Variants in SLC4A10 observed in about 807,000 individuals in gnomAD.
SLC4A10 encodes solute carrier family 4 member 10.
SLC4A10 carries 42 observed loss-of-function variants against 137.7 expected under a neutral mutation model. The ratio of observed to expected loss-of-function variants is 0.30; its 90% CI spans 0.24 to 0.39. SLC4A10 has a LOEUF of 0.39. SLC4A10 is among the 10% of genes least tolerant of loss of function. The pLI is 1.00. For missense variants in SLC4A10, 925 were observed against 1,355.0 expected, an observed-to-expected ratio of 0.68 and a Z score of 4.98; for synonymous variants, 474 against 464.1, an observed-to-expected ratio of 1.02 and a Z score of -0.27.
chr2:161,941,859 T>G (rs1350153583), intron 15 of SLC4A10, among the ~76,000 whole-genome samples: 3 of 152,198 alleles, frequency 2.0e-5, no homozygotes, highest in Non-Finnish European at 2.9e-5. Context: ...TTAAGGTTTC[T>G]CTGGGGTCTC....
At chr2:161,740,209 C>A (rs2047739528) in intron 1 of SLC4A10, among the ~76,000 whole-genome samples, 1 of 152,188 alleles carries the variant, frequency 6.6e-6, no homozygotes, top group Non-Finnish European at 1.5e-5. Context: ...CTCCTATCCA[C>A]AAACTAAGCA....
chr2:161,767,105 ATATATATATATAT>A lies in SLC4A10; in HGVS notation c.49-3867_49-3855del, dbSNP rs1215235980. Among the ~76,000 whole-genome samples, 35 of 51,300 alleles carry A rather than the reference ATATATATATATAT, an allele frequency of 6.8e-4. 1 individual carries two copies. Among genetic ancestry groups the A allele is most frequent in the African/African-American group, 4.5e-3 (32 of 7,152 alleles). The allele number at this position is 51,300 out of a possible 152,430, so 33.7% of individuals were successfully genotyped here. On this transcript the variant is annotated intron_variant, in intron 1 of 26. Coordinates refer to ENST00000446997, the MANE Select transcript of SLC4A10 (RefSeq NM_001178015.2). ...AAAGAATTAAGAAGCATATATATATATATATATATATATATATATATATATATATATATATGTG... is the reference window on the plus strand; with the variant it reads ...AAAGAATTAAGAAGCATATATATATAATATATATATATATATATATATGTG...
intron 4 of SLC4A10, among the ~76,000 whole-genome samples, chr2:161,848,948 A>G (rs574898364): frequency 1.3e-5 from 2 of 152,190 alleles, no homozygotes; most frequent in African/African-American, 2.4e-5. Flanking sequence ...TAAAAATGTT[A>G]TTGGTAGGTT....
intron 3 of SLC4A10, among the ~76,000 whole-genome samples, chr2:161,821,946 C>T (rs1446668913): frequency 1.3e-5 from 2 of 152,202 alleles, no homozygotes; most frequent in Admixed American, 6.5e-5. Context: ...TATTTCTTGT[C>T]GCTGAATAGA....
intron 6 of SLC4A10, among the ~76,000 whole-genome samples, chr2:161,863,591 T>G (rs1227929): frequency 0.6 from 90,505 of 152,076 alleles, 27,098 homozygotes; most frequent in East Asian, 0.85. Context: ...TGATTCCGGT[T>G]CAAGGGCTCA....
intron 3 of SLC4A10, among the ~76,000 whole-genome samples, chr2:161,821,253 C>T (rs2125692060): frequency 6.6e-6 from 1 of 152,252 alleles, no homozygotes; most frequent in South Asian, 2.1e-4. Flanking sequence ...GATGTGGCTA[C>T]AGATTCCAGC....
intron 1 of SLC4A10, among the ~76,000 whole-genome samples, chr2:161,759,063 C>T (rs1263415501): frequency 6.6e-6 from 1 of 151,906 alleles, no homozygotes; most frequent in Non-Finnish European, 1.5e-5. Context: ...TCATCTTCCA[C>T]CTTAGATATC....
At chr2:161,814,886 T>C (rs1490614458) in intron 3 of SLC4A10, among the ~76,000 whole-genome samples, 1 of 152,046 alleles carries the variant, frequency 6.6e-6, no homozygotes, top group African/African-American at 2.4e-5. Context: ...AATATGCCCA[T>C]ATAACAAGCC....
intron 15 of SLC4A10, among the ~76,000 whole-genome samples, chr2:161,911,707 C>A (rs1231347194): frequency 6.6e-6 from 1 of 152,006 alleles, no homozygotes; most frequent in Admixed American, 6.6e-5. Context: ...GATCTATGTA[C>A]CTACTGTACC....
chr2:161,833,917 G>A (rs147083954), intron 3 of SLC4A10, among the ~76,000 whole-genome samples: 1 of 152,334 alleles, frequency 6.6e-6, no homozygotes, highest in East Asian at 1.9e-4. Context: ...AAGTAAGATG[G>A]TTTGGTCACT....
At chr2:161,708,632 C>A in intron 1 of SLC4A10, 1 of 1,437,150 alleles carries the variant, frequency 7.0e-7, no homozygotes, top group East Asian at 2.5e-5. Context: ...GATTTGATAT[C>A]TTGATGATGG....
intron 12 of SLC4A10, among the ~76,000 whole-genome samples, chr2:161,903,413 A>T (rs550770191): frequency 6.6e-5 from 10 of 152,310 alleles, no homozygotes; most frequent in Admixed American, 2.6e-4. Context: ...TCTACTAAGT[A>T]TTGCTGCCAT....
intron 4 of SLC4A10, among the ~76,000 whole-genome samples, chr2:161,849,612 G>T (rs1045106506): frequency 6.6e-6 from 1 of 151,832 alleles, no homozygotes; most frequent in African/African-American, 2.4e-5. Flanking sequence ...AAACATGAGG[G>T]GATGTTTAAT....
At chr2:161,960,470 C>T (rs1411009140) in intron 21 of SLC4A10, among the ~76,000 whole-genome samples, 1 of 151,084 alleles carries the variant, frequency 6.6e-6, no homozygotes, top group Non-Finnish European at 1.5e-5. Context: ...TCAGCTCACA[C>T]TTCTAATGCC....
chr2:161,627,137 A>G (rs750783861), intron 1 of SLC4A10, among the ~76,000 whole-genome samples: 1 of 152,112 alleles, frequency 6.6e-6, no homozygotes, highest in Non-Finnish European at 1.5e-5. Flanking sequence ...GTTCAATAAA[A>G]CTTGCTATTA....
chr2:161,704,887 C>T (rs2043490736), intron 1 of SLC4A10, among the ~76,000 whole-genome samples: 1 of 151,464 alleles, frequency 6.6e-6, no homozygotes, highest in East Asian at 1.9e-4. Context: ...TGCCCTATTG[C>T]CTTCAGACAG....
At chr2:161,738,769 C>A (rs1352477646) in intron 1 of SLC4A10, among the ~76,000 whole-genome samples, 1 of 152,088 alleles carries the variant, frequency 6.6e-6, no homozygotes, top group Non-Finnish European at 1.5e-5. Context: ...ACTTTTCCAC[C>A]TTTGGAGAGG....
chr2:161,887,131 T>G (rs1010087283), intron 10 of SLC4A10, among the ~76,000 whole-genome samples: 63 of 152,222 alleles, frequency 4.1e-4, no homozygotes, highest in African/African-American at 1.5e-3. Flanking sequence ...GTGTCCTCTT[T>G]TATGGCTGCA....
chr2:161,683,676 C>A (rs1162745047), intron 1 of SLC4A10, among the ~76,000 whole-genome samples: 1 of 152,116 alleles, frequency 6.6e-6, no homozygotes, highest in African/African-American at 2.4e-5. Flanking sequence ...TCCAGTAAAT[C>A]TGTTTTATGG....
Sources: gnomAD v4.1 joint callset for allele counts (sites outside exome capture counted in the v4.1 genomes callset) on GRCh38, gnomAD v4.1.1 for gene constraint, MANE v1.5 for transcripts, NCBI Gene and HGNC (gene_info 2026-07-23, HGNC 2026-07-21) for gene names.